PLCB1: variants seen among roughly 807,000 people sequenced by gnomAD.
The protein encoded by PLCB1 is 1-phosphatidylinositol 4,5-bisphosphate phosphodiesterase beta-1.
A neutral mutation model predicts 161.8 loss-of-function variants in PLCB1; 46 were observed. The observed-to-expected ratio is 0.28, with a 90% CI of 0.22 to 0.36. PLCB1 has a LOEUF of 0.36. Ranked by LOEUF, PLCB1 falls within the 10% of genes least tolerant of loss-of-function variation. PLCB1 has a pLI of 1.00. For missense variants in PLCB1, 1,016 were observed against 1,472.5 expected (o/e 0.69, Z 5.07); for synonymous variants, 517 against 503.7 (o/e 1.03, Z -0.35).
At chr20:8,781,409 C>CAA (rs1297443968) in intron 27 of PLCB1, among the ~76,000 whole-genome samples, 2 of 21,852 alleles carry the variant, frequency 9.2e-5, no homozygotes, top group Non-Finnish European at 3.0e-4. Context: ...CACACACACA[C>CAA]ACACACAAAC....
chr20:8,232,903 T>C (rs1274061448), intron 2 of PLCB1, among the ~76,000 whole-genome samples: 1 of 152,166 alleles, frequency 6.6e-6, no homozygotes, highest in Non-Finnish European at 1.5e-5. Flanking sequence ...GGCGCTGGCA[T>C]TGCAATGTGA....
At chr20:8,195,571 CA>C (rs1391201385) in intron 2 of PLCB1, among the ~76,000 whole-genome samples, 2 of 152,060 alleles carry the variant, frequency 1.3e-5, no homozygotes, top group African/African-American at 4.8e-5. Flanking sequence ...AGAAAATTAA[CA>C]TTGGTACAAT....
chr20:8,827,768 G>A (rs538026721), intron 31 of PLCB1, among the ~76,000 whole-genome samples: 3 of 152,256 alleles, frequency 2.0e-5, no homozygotes, highest in Admixed American at 1.3e-4. Flanking sequence ...CATTTTGAAC[G>A]GATTGAAAAA....
chr20:8,300,065 C>T lies in PLCB1; in HGVS notation c.178-71317C>T, dbSNP rs149856115. 2.3e-3 allele frequency among the ~76,000 whole-genome samples: 354 copies of T among 152,264 alleles called. 1 individual carries two copies. The highest frequency in any genetic ancestry group is 3.3e-3 in the Non-Finnish European group (227 of 68,006). ...ACTCTACTGACCTTGGCTGAGCTCA[C>T]TCACATGTCTGGGGATCATCGAGCT... On this transcript the variant is annotated intron_variant, in intron 2 of 31. Coordinates refer to ENST00000338037, the MANE Select transcript of PLCB1 (RefSeq NM_015192.4).
At chr20:8,272,038 A>G (rs1187543308) in intron 2 of PLCB1, among the ~76,000 whole-genome samples, 2 of 152,132 alleles carry the variant, frequency 1.3e-5, no homozygotes, top group Non-Finnish European at 2.9e-5. Flanking sequence ...TATTATGCAT[A>G]GCATCACTTA....
At chr20:8,523,945 C>T (rs1016231143) in intron 3 of PLCB1, among the ~76,000 whole-genome samples, 3 of 152,036 alleles carry the variant, frequency 2.0e-5, no homozygotes, top group South Asian at 2.1e-4. Flanking sequence ...GGAGTTAATA[C>T]GTGAAATTTC....
chr20:8,210,475 G>C (rs1277490095), intron 2 of PLCB1, among the ~76,000 whole-genome samples: 2 of 152,074 alleles, frequency 1.3e-5, no homozygotes, highest in African/African-American at 2.4e-5. Context: ...GAAACAACCT[G>C]ACTTGTAGGA....
At chr20:8,475,034 GACAC>G (rs1268963861) in intron 3 of PLCB1, among the ~76,000 whole-genome samples, 1 of 136,192 alleles carries the variant, frequency 7.3e-6, no homozygotes, top group East Asian at 2.0e-4. Context: ...CACACACACA[GACAC>G]ACACACACAC....
At chr20:8,211,575 G>T (rs1978824285) in intron 2 of PLCB1, among the ~76,000 whole-genome samples, 1 of 152,170 alleles carries the variant, frequency 6.6e-6, no homozygotes, top group South Asian at 2.1e-4. Flanking sequence ...ATATAGATTG[G>T]TCTATATAAA....
At position 8,589,610 on chromosome 20, in the gene PLCB1, CTTTTTTTTTTTT is replaced by C. The variant is rs71183102; in HGVS notation, c.247-38671_247-38660del. Among the ~76,000 whole-genome samples, 5 of 80,126 alleles carry C rather than the reference CTTTTTTTTTTTT, an allele frequency of 6.2e-5. No homozygotes were observed. In the East Asian group the frequency reaches 2.1e-3, roughly 33 times the overall value. The allele number at this position is 80,126 out of a possible 152,430, so 52.6% of individuals were successfully genotyped here. On this transcript the variant is annotated intron_variant, in intron 3 of 31. Transcript: ENST00000338037. ...GGCTCTCTCTGGGGTCAATCTCTCTCTTTTTTTTTTTTTTTTTTTTTTTTGAGACAGAGTCTT... is the reference window on the plus strand; with the variant it reads ...GGCTCTCTCTGGGGTCAATCTCTCTCTTTTTTTTTTTTGAGACAGAGTCTT...
chr20:8,650,941 T>A (rs1169647322), intron 7 of PLCB1, among the ~76,000 whole-genome samples: 1 of 152,216 alleles, frequency 6.6e-6, no homozygotes, highest in Non-Finnish European at 1.5e-5. Context: ...TAACATGCTT[T>A]CATTTTTATG....
intron 4 of PLCB1, among the ~76,000 whole-genome samples, chr20:8,632,035 CTTTTTTTTTTTTTTTTTT>C (rs34028351): frequency 2.6e-4 from 12 of 45,994 alleles, no homozygotes; most frequent in Admixed American, 5.9e-4. Flanking sequence ...GTTTTTTTTG[CTTTTTTTTTTTTTTTTTT>C]TTTTTTTTTT....
At chr20:8,755,975 T>C (rs1275377576) in intron 23 of PLCB1, among the ~76,000 whole-genome samples, 1 of 152,242 alleles carries the variant, frequency 6.6e-6, no homozygotes, top group African/African-American at 2.4e-5. Flanking sequence ...CTATGGCCTT[T>C]GTACAAGGTG....
chr20:8,146,264 G>A (rs542313583), intron 1 of PLCB1, among the ~76,000 whole-genome samples: 2 of 152,332 alleles, frequency 1.3e-5, no homozygotes, highest in South Asian at 4.1e-4. Flanking sequence ...GAGAAGCACT[G>A]TTATAGAGTG....
intron 9 of PLCB1, among the ~76,000 whole-genome samples, chr20:8,668,796 A>G (rs2123355156): frequency 6.6e-6 from 1 of 152,344 alleles, no homozygotes; most frequent in Middle Eastern, 3.4e-3. Context: ...CTGGAGCACC[A>G]GTACAGTCTG....
chr20:8,777,069 C>T (rs1182774575), intron 27 of PLCB1, among the ~76,000 whole-genome samples: 1 of 152,080 alleles, frequency 6.6e-6, no homozygotes, highest in African/African-American at 2.4e-5. Context: ...GGAAATGGGC[C>T]TGAGTGTTGG....
intron 31 of PLCB1, among the ~76,000 whole-genome samples, chr20:8,871,401 G>A (rs1392162774): frequency 6.6e-6 from 1 of 152,122 alleles, no homozygotes; most frequent in African/African-American, 2.4e-5. Flanking sequence ...TAATACTAAA[G>A]GTATTGGCAG....
rs371050518 is a variant in PLCB1, at chr20:8,790,268, G to A, written c.3423+7G>A. On this transcript the variant is annotated splice_region_variant and intron_variant, in intron 31 of 31. Transcript: ENST00000338037. ...CCTGGATGAAAAGCCCAAGGTAAAC[G>A]GAACTGAATTAAAATGAACAATTAT... is the stretch of plus-strand genomic sequence containing the variant. The A allele has an allele frequency of 1.9e-6, 3 of 1,597,024 alleles. No homozygotes were observed. Among genetic ancestry groups the A allele is most frequent in the Non-Finnish European group, 2.6e-6 (3 of 1,167,610 alleles).
intron 3 of PLCB1, among the ~76,000 whole-genome samples, chr20:8,532,758 A>T (rs1984863577): frequency 6.6e-6 from 1 of 152,166 alleles, no homozygotes; most frequent in Admixed American, 6.6e-5. Flanking sequence ...GGAAGAAGAA[A>T]GAGACCTGGA....
Sources: allele counts gnomAD v4.1 joint callset (sites outside exome capture counted in the v4.1 genomes callset), GRCh38; gene constraint gnomAD v4.1.1; transcripts MANE v1.5; gene names NCBI Gene and HGNC (gene_info 2026-07-23, HGNC 2026-07-21).